The following TNFRSF1B variants were observed in gnomAD, a reference collection of about 807,000 sequenced individuals.
TNFRSF1B encodes TNF receptor superfamily member 1B.
A neutral mutation model predicts 44.6 loss-of-function variants in TNFRSF1B; 19 were observed. The observed-to-expected ratio is 0.43, with a 90% CI of 0.30 to 0.62. The LOEUF (loss-of-function observed/expected upper bound fraction) is 0.62, where lower values mean the gene tolerates loss of function less well. Ranked by LOEUF, TNFRSF1B falls within the 20% of genes least tolerant of loss-of-function variation. TNFRSF1B has a pLI of 0.16. For missense variants in TNFRSF1B, 541 were observed against 619.9 expected, an observed-to-expected ratio of 0.87 and a Z score of 1.35; for synonymous variants, 252 against 261.1, an observed-to-expected ratio of 0.97 and a Z score of 0.34.
intron 1 of TNFRSF1B, among the ~76,000 whole-genome samples, chr1:12,172,769 G>A (rs1638550073): frequency 6.6e-6 from 1 of 152,234 alleles, no homozygotes; most frequent in South Asian, 2.1e-4. Flanking sequence ...CAAAGGCTGT[G>A]GGGTCAGGAT....
At chr1:12,170,487 T>C (rs1197905511) in intron 1 of TNFRSF1B, among the ~76,000 whole-genome samples, 1 of 152,220 alleles carries the variant, frequency 6.6e-6, no homozygotes, top group African/African-American at 2.4e-5. Context: ...CCTGCCATCC[T>C]GGCACCTGGC....
At chr1:12,183,603 AT>A (rs1638860626) in intron 1 of TNFRSF1B, among the ~76,000 whole-genome samples, 1 of 147,228 alleles carries the variant, frequency 6.8e-6, no homozygotes, top group Non-Finnish European at 1.5e-5. Flanking sequence ...TATTTTATCT[AT>A]CTATCTATCT....
At position 12,194,583 on chromosome 1, in the gene TNFRSF1B, G is replaced by C; in HGVS notation, c.866-1G>C. The stretch of plus-strand genomic sequence containing the variant: ...TTACTTGTCCCCTCTCCTCTTTATA[G>C]AGAAGCCCTTGTGCCTGCAGAGAGA... On this transcript the variant is annotated splice_acceptor_variant, in intron 7 of 9. Coordinates refer to ENST00000376259, the MANE Select transcript of TNFRSF1B (RefSeq NM_001066.3). LOFTEE classifies it high-confidence loss of function. The C allele has an allele frequency of 6.2e-7, 1 of 1,614,164 alleles. No individual in the cohort carries two copies. Among genetic ancestry groups the C allele is most frequent in the Non-Finnish European group, 8.5e-7 (1 of 1,179,996 alleles).
At chr1:12,189,124 G>A (rs1277789943) in intron 2 of TNFRSF1B, among the ~76,000 whole-genome samples, 1 of 152,220 alleles carries the variant, frequency 6.6e-6, no homozygotes, top group African/African-American at 2.4e-5. Context: ...GACCTCAGCT[G>A]AAGATGTCCC....
chr1:12,176,150 C>T (rs139467682), intron 1 of TNFRSF1B, among the ~76,000 whole-genome samples: 89 of 152,192 alleles, frequency 5.8e-4, no homozygotes, highest in African/African-American at 2.1e-3. Flanking sequence ...ACCCCAGAGG[C>T]GGAGGTTGCC....
intron 2 of TNFRSF1B, 85 bp from the exon 3 acceptor site, chr1:12,190,872 T>G (rs1329922154): frequency 8.5e-6 from 13 of 1,531,244 alleles, no homozygotes; most frequent in Non-Finnish European, 1.2e-5. Context: ...GCTTTAGAAC[T>G]CTGGACTTTG....
At chr1:12,175,890 TG>T (rs1638644210) in intron 1 of TNFRSF1B, among the ~76,000 whole-genome samples, 1 of 151,660 alleles carries the variant, frequency 6.6e-6, no homozygotes, top group African/African-American at 2.4e-5. Context: ...GGGAGGAGAA[TG>T]GTGTGGGGAG....
chr1:12,180,144 T>C lies in TNFRSF1B; in HGVS notation c.79-8652T>C, dbSNP rs1037498931. ...GGATCTCCGGAACATTGAAAAGCCATGAAGGCCGGGCACAGCGGCTCACGC... is the reference window on the plus strand; with the variant it reads ...GGATCTCCGGAACATTGAAAAGCCACGAAGGCCGGGCACAGCGGCTCACGC... On this transcript the variant is annotated intron_variant, in intron 1 of 9. Coordinates refer to ENST00000376259, the MANE Select transcript of TNFRSF1B (RefSeq NM_001066.3). This position sits in a 1 kb window ranked among gnomAD's most constrained non-coding sequence, Gnocchi z 4.3. 2.0e-5 allele frequency among the ~76,000 whole-genome samples: 3 copies of C among 152,036 alleles called. No individual in the cohort carries two copies. Among genetic ancestry groups the C allele is most frequent in the Non-Finnish European group, 4.4e-5 (3 of 67,984 alleles).
chr1:12,181,670 C>CT (rs1638810354), intron 1 of TNFRSF1B, among the ~76,000 whole-genome samples: 1 of 152,192 alleles, frequency 6.6e-6, no homozygotes, highest in African/African-American at 2.4e-5. Flanking sequence ...ATTTCTGGCC[C>CT]TTTCCTCTCA....
In TNFRSF1B at chr1:12,178,831, G is replaced by A. The variant is rs1024304571; in HGVS notation, c.79-9965G>A. Among the ~76,000 whole-genome samples, 2 of 152,202 alleles carry A rather than the reference G, an allele frequency of 1.3e-5. No homozygotes were observed. The highest frequency in any genetic ancestry group is 1.9e-4 in the East Asian group (1 of 5,186). The stretch of plus-strand genomic sequence containing the variant: ...TGCTGGCAGGGGCTAAGGAGGTTGC[G>A]CAGGTGGTGGCAGCCGCTGGAAGCT... On this transcript the variant is annotated intron_variant, in intron 1 of 9. Transcript: ENST00000376259. The surrounding 1 kb of genome is among the most constrained non-coding windows in gnomAD (Gnocchi z 4.3).
rs1387096034 is a variant in TNFRSF1B, at chr1:12,190,832, G to A, written c.179-125G>A. Reference sequence around the variant, plus strand: ...AGATGGGAGATGATTCTGAGGAATTGGAACTCCACAGAATAGCCTTCCCAG... The same window carrying A: ...AGATGGGAGATGATTCTGAGGAATTAGAACTCCACAGAATAGCCTTCCCAG... On this transcript the variant is annotated intron_variant, in intron 2 of 9. Transcript: ENST00000376259. 6 of 1,141,312 alleles carry A rather than the reference G, an allele frequency of 5.3e-6. No homozygotes were observed. In the South Asian group the frequency reaches 7.9e-5, roughly 15 times the overall value. 70.7% of individuals were successfully genotyped at this position (1,141,312 alleles called of 1,614,324 possible).
At chr1:12,197,998 G>T (rs17885868) in intron 8 of TNFRSF1B, among the ~76,000 whole-genome samples, 1 of 151,918 alleles carries the variant, frequency 6.6e-6, no homozygotes, top group African/African-American at 2.4e-5. Context: ...GGTGGCGGGC[G>T]CCCGTAGTCC....
At position 12,178,480 on chromosome 1, in the gene TNFRSF1B, C is replaced by A. The variant is rs945892627; in HGVS notation, c.79-10316C>A. 6.6e-6 allele frequency among the ~76,000 whole-genome samples: 1 copy of A among 152,196 alleles called. No individual in the cohort carries two copies. Among genetic ancestry groups the A allele is most frequent in the African/African-American group, 2.4e-5 (1 of 41,448 alleles). Reference sequence around the variant, plus strand: ...GGGATCAAAGCCCACGTGTCTGTGTCTGGCTCAGCGCCCATACAAGGGTGT... The same window carrying A: ...GGGATCAAAGCCCACGTGTCTGTGTATGGCTCAGCGCCCATACAAGGGTGT... On this transcript the variant is annotated intron_variant, in intron 1 of 9. Transcript: ENST00000376259. The surrounding 1 kb of genome is among the most constrained non-coding windows in gnomAD (Gnocchi z 4.3).
chr1:12,195,579 C>T (rs1639247800), intron 8 of TNFRSF1B, among the ~76,000 whole-genome samples: 1 of 152,138 alleles, frequency 6.6e-6, no homozygotes, highest in African/African-American at 2.4e-5. Flanking sequence ...GATGCCTTCC[C>T]AGAAGCCCTG....
chr1:12,167,149 G>A lies in TNFRSF1B; in HGVS notation c.58G>A (p.Ala20Thr). ...LAVGLELWAA[A>T]HALPAQVAFT... ...CGTCGGACTGGAGCTCTGGGCTGCG[G>A]CGCACGCCTTGCCCGCCCAGGTGGG... The change falls in exon 1 of 10, where the codon GCG (alanine) becomes ACG (threonine). Residue 20 changes from alanine (A) to threonine (T), a missense_variant. By Grantham distance (58) the Ala-to-Thr change is moderately conservative. Transcript: ENST00000376259. 1.5e-6 allele frequency: 2 copies of A among 1,314,496 alleles called. No individual in the cohort carries two copies. The highest frequency in any genetic ancestry group is 4.0e-5 in the South Asian group (2 of 49,816). The allele number at this position is 1,314,496 out of a possible 1,614,324, so 81.4% of individuals were successfully genotyped here.
Position 12,186,275 on chromosome 1 carries a change from C to T in TNFRSF1B, c.79-2521C>T, listed in dbSNP as rs186855804. Among the ~76,000 whole-genome samples, 25 of 152,302 alleles carry T rather than the reference C, an allele frequency of 1.6e-4. No homozygotes were observed. The highest frequency in any genetic ancestry group is 4.3e-4 in the African/African-American group (18 of 41,562). On this transcript the variant is annotated intron_variant, in intron 1 of 9. Coordinates refer to ENST00000376259, the MANE Select transcript of TNFRSF1B (RefSeq NM_001066.3). The surrounding 1 kb of genome is among the most constrained non-coding windows in gnomAD (Gnocchi z 4.8). ...GTCACTCGCTATAGGTGCAGCCAAA[C>T]GCTCAGCAGGCCCAAACTCTGGGCA...
chr1:12,192,250 G>A (rs1639156054), intron 4 of TNFRSF1B, 181 bp from the exon 5 acceptor site: 5 of 714,554 alleles, frequency 7.0e-6, no homozygotes, highest in Non-Finnish European at 1.0e-5. Context: ...ACAGGAATCT[G>A]TGTGTGTGCA....
At chr1:12,184,480 G>T (rs560134471) in intron 1 of TNFRSF1B, among the ~76,000 whole-genome samples, 20 of 151,860 alleles carry the variant, frequency 1.3e-4, no homozygotes, top group Non-Finnish European at 2.6e-4. Context: ...GCCGGCTACC[G>T]GGGGGGCTGG....
intron 5 of TNFRSF1B, 39 bp downstream of exon 5, chr1:12,192,563 G>T: frequency 6.3e-7 from 1 of 1,584,692 alleles, no homozygotes; most frequent in African/African-American, 1.3e-5. Context: ...GGAGCAGGGA[G>T]GGGCTGTCCC....
Sources: allele counts gnomAD v4.1 joint callset (sites outside exome capture counted in the v4.1 genomes callset), GRCh38; gene constraint gnomAD v4.1.1; non-coding constraint Gnocchi (gnomAD v3.1); transcripts MANE v1.5; gene names NCBI Gene and HGNC (gene_info 2026-07-23, HGNC 2026-07-21).